Variants in TBX1 observed in about 807,000 individuals in gnomAD.
The protein encoded by TBX1 is T-box transcription factor 1.
Under a neutral mutation model 40.8 loss-of-function variants are expected in TBX1, and 16 were observed. The observed-to-expected ratio is 0.39, with a 90% CI of 0.27 to 0.60. The LOEUF (loss-of-function observed/expected upper bound fraction) is 0.60. Ranked by LOEUF, TBX1 falls within the 20% of genes least tolerant of loss-of-function variation. TBX1 has a pLI of 0.51. For missense variants in TBX1, 755 were observed against 728.5 expected (o/e 1.04, Z -0.42); for synonymous variants, 403 against 336.8 (o/e 1.20, Z -2.15).
chr22:19,783,356 G>A (rs991529572), downstream of TBX1: 7 of 365,960 alleles, frequency 1.9e-5, no homozygotes, highest in Middle Eastern at 9.3e-4. Flanking sequence ...CATGCAAGAG[G>A]TGGCAGGGGA....
downstream of TBX1, among the ~76,000 whole-genome samples, chr22:19,781,057 C>T (rs41298036): frequency 0.023 from 3,560 of 152,262 alleles, 109 homozygotes; most frequent in African/African-American, 0.076. Context: ...GCTGGGATTA[C>T]AGGCGTGAGC....
intron 4 of TBX1, 69 bp from the exon 5 acceptor site, chr22:19,765,689 T>G: frequency 1.3e-6 from 2 of 1,566,230 alleles, no homozygotes; most frequent in Middle Eastern, 1.8e-4. Flanking sequence ...CACTCCCCTA[T>G]CCTCCGCCGA....
downstream of TBX1, among the ~76,000 whole-genome samples, chr22:19,770,493 A>C (rs1024375977): frequency 1.3e-5 from 2 of 152,230 alleles, no homozygotes; most frequent in African/African-American, 4.8e-5. Flanking sequence ...TCACCCAGGA[A>C]AGCACTGGAG....
At chr22:19,781,415 TAGG>T (rs576127302), downstream of TBX1, among the ~76,000 whole-genome samples, 142 of 152,296 alleles carry the variant, frequency 9.3e-4, no homozygotes, top group Non-Finnish European at 1.7e-3. Context: ...TGTTGAGTTT[TAGG>T]AGTTCTCTAT....
At position 19,760,813 on chromosome 22, in the gene TBX1, T is replaced by TGGCGGGGGC. The variant is rs1936629573; in HGVS notation, c.-25_-17dup. On this transcript the variant is annotated 5_prime_UTR_variant, in exon 1 of 7. Coordinates refer to ENST00000649276, the MANE Select transcript of TBX1 (RefSeq NM_001379200.1). ...CGGCGCGGGGCAGCGCTCAGCTTGG[T>TGGCGGGGGC]GGCGGGGGCGGCGGCGGCGGCCCGC... The TGGCGGGGGC allele has an allele frequency of 8.7e-6, 6 of 687,634 alleles. No homozygotes were observed. The highest frequency in any genetic ancestry group is 1.0e-5 in the Non-Finnish European group (6 of 580,984). 42.6% of individuals were successfully genotyped at this position (687,634 alleles called of 1,614,324 possible).
rs1313958501 is a variant in TBX1, at chr22:19,765,029, C to T, written c.783C>T (p.Ser261=). The T allele has an allele frequency of 3.1e-6, 5 of 1,614,054 alleles. No homozygotes were observed. In the African/African-American group the frequency reaches 4.0e-5, roughly 13 times the overall value. The change falls in exon 4 of 7, where the codon AGC becomes AGT. Residue 261 remains serine, a synonymous_variant. Transcript: ENST00000649276. ...TCTATGTGGACCCACGCAAAGATAG[C>T]GAGAAATATGCCGAGGAGAACTTCA... ...HVVYVDPRKD[S]EKYAEENFKT... is the part of the protein sequence containing the mutation.
In TBX1 at chr22:19,773,523, C is replaced by G. The variant is rs552292011; in HGVS notation, c.1010-5697C>G. On this transcript the variant is annotated intron_variant, in intron 8 of 8. Transcript: ENST00000329705. ...GCTGTGTGGGCTTCCTTGGAGGACC[C>G]TCCCTCCAGGCGGCCAGCCAGAAGG... Among the ~76,000 whole-genome samples, 4 of 152,334 alleles carry G rather than the reference C, an allele frequency of 2.6e-5. No individual in the cohort carries two copies. The East Asian group carries it at 7.7e-4, about 29-fold the overall frequency.
At chr22:19,774,069 T>C (rs1392600103) in intron 8 of TBX1, among the ~76,000 whole-genome samples, 2 of 152,212 alleles carry the variant, frequency 1.3e-5, no homozygotes, top group African/African-American at 4.8e-5. Context: ...ATTAGGATGA[T>C]GATGATTTTA....
intron 1 of TBX1, among the ~76,000 whole-genome samples, chr22:19,762,055 C>A (rs944182896): frequency 6.6e-6 from 1 of 152,256 alleles, no homozygotes; most frequent in African/African-American, 2.4e-5. Context: ...GTTTGCAAAG[C>A]CTTCTCGTGG....
chr22:19,765,658 C>T, intron 4 of TBX1, 100 bp from the exon 5 acceptor site: 3 of 1,328,602 alleles, frequency 2.3e-6, no homozygotes, highest in Non-Finnish European at 3.2e-6. Context: ...AGCAGAAAGG[C>T]CCTTGGTGCG....
intron 8 of TBX1, among the ~76,000 whole-genome samples, chr22:19,774,697 T>C (rs1235500816): frequency 6.6e-6 from 1 of 152,094 alleles, no homozygotes; most frequent in Non-Finnish European, 1.5e-5. Flanking sequence ...GTCCTTATGC[T>C]CCGTGAATTG....
upstream of TBX1, among the ~76,000 whole-genome samples, chr22:19,758,842 C>T (rs948305715): frequency 6.6e-6 from 1 of 152,228 alleles, no homozygotes; most frequent in South Asian, 2.1e-4. Context: ...GGGTCTCCAG[C>T]GACGATAGTG....
upstream of TBX1, chr22:19,759,507 GC>G: frequency 6.6e-7 from 1 of 1,510,182 alleles, no homozygotes; most frequent in East Asian, 2.5e-5. Context: ...GACGCGCGGA[GC>G]CCGCTGTCTC....
chr22:19,783,454 G>T, downstream of TBX1: 1 of 284,160 alleles, frequency 3.5e-6, no homozygotes, highest in Non-Finnish European at 6.9e-6. Flanking sequence ...GGAGGCTGAG[G>T]CAGGAGGATC....
intron 2 of TBX1, chr22:19,763,688 C>T (rs1936740728): frequency 9.7e-6 from 4 of 414,384 alleles, no homozygotes; most frequent in South Asian, 8.2e-5. Flanking sequence ...CTTCCCCCAT[C>T]CCCAGGGAAC....
Position 19,766,621 on chromosome 22 carries a change from C to A in TBX1, c.1269C>A (p.His423Gln). Residue 423 changes from histidine to glutamine, a missense_variant, in exon 7 of 7, where the codon CAC becomes CAA. Coordinates refer to ENST00000649276, the MANE Select transcript of TBX1 (RefSeq NM_001379200.1). ...GCGCATCGGAGCCGCTGCACCACCA[C>A]CCCTACAAATATCCGGCCGCCGCCT... ...APGASEPLHHHPYKYPAAAYD... is the reference protein window; with the variant it reads ...APGASEPLHHQPYKYPAAAYD... 1 of 1,543,180 alleles carries A rather than the reference C, an allele frequency of 6.5e-7. No homozygotes were observed. Among genetic ancestry groups the A allele is most frequent in the Non-Finnish European group, 8.7e-7 (1 of 1,153,016 alleles).
downstream of TBX1, among the ~76,000 whole-genome samples, chr22:19,768,534 C>T (rs567116619): frequency 5.9e-5 from 9 of 152,262 alleles, no homozygotes; most frequent in African/African-American, 2.2e-4. Context: ...TTTGGAGATG[C>T]ATTTGGGGGG....
chr22:19,767,457 T>C, downstream of TBX1: 1 of 918,672 alleles, frequency 1.1e-6, no homozygotes, highest in Non-Finnish European at 1.3e-6. Context: ...CGACTGTAGG[T>C]CGGTCCCGGT....
chr22:19,766,342 C>T (rs1397565771), intron 6 of TBX1, 47 bp from the exon 7 acceptor site: 6 of 1,246,722 alleles, frequency 4.8e-6, no homozygotes, highest in South Asian at 5.4e-5. Context: ...GTCGGAGCTC[C>T]TCGGCGGCCC....
Sources: gnomAD v4.1 joint callset for allele counts (sites outside exome capture counted in the v4.1 genomes callset) on GRCh38, gnomAD v4.1.1 for gene constraint, MANE v1.5 for transcripts, NCBI Gene and HGNC (gene_info 2026-07-23, HGNC 2026-07-21) for gene names.